The following GAB1 variants were observed in gnomAD, a reference collection of about 807,000 sequenced individuals.
GAB1 encodes GRB2 associated binding protein 1.
GAB1 carries 19 observed loss-of-function variants against 66.5 expected under a neutral mutation model. The ratio of observed to expected loss-of-function variants is 0.29; its 90% confidence interval spans 0.20 to 0.42. The LOEUF (loss-of-function observed/expected upper bound fraction) is 0.42. GAB1 is among the 10% of genes least tolerant of loss of function. The pLI is 1.00. For synonymous variants in GAB1, 294 were observed against 301.4 expected (o/e 0.98, Z 0.25); for missense variants, 732 against 858.5 (o/e 0.85, Z 1.84).
chr4:143,386,094 A>G (rs897733596), intron 1 of GAB1, among the ~76,000 whole-genome samples: 5 of 152,174 alleles, frequency 3.3e-5, no homozygotes, highest in African/African-American at 1.2e-4. Context: ...GTGAGCCATG[A>G]TCACGCCACT....
chr4:143,425,428 T>C, intron 2 of GAB1: 1 of 759,406 alleles, frequency 1.3e-6, no homozygotes, highest in South Asian at 1.3e-5. Flanking sequence ...ACCCCAGGGC[T>C]GAAGACCAGC....
At chr4:143,432,845 A>G (rs914484709) in intron 2 of GAB1, among the ~76,000 whole-genome samples, 2 of 152,200 alleles carry the variant, frequency 1.3e-5, no homozygotes, top group Admixed American at 1.3e-4. Context: ...TTACTTATTT[A>G]CTTGCTGGAC....
chr4:143,388,694 C>T (rs967900158), intron 1 of GAB1, among the ~76,000 whole-genome samples: 6 of 152,142 alleles, frequency 3.9e-5, no homozygotes, highest in African/African-American at 1.4e-4. Context: ...GGATTATAGG[C>T]ATGAGTCACT....
intron 1 of GAB1, chr4:143,349,199 T>G: frequency 1.9e-6 from 1 of 534,248 alleles, no homozygotes; most frequent in Non-Finnish European, 3.2e-6. Flanking sequence ...CCTGGAGTAG[T>G]TATATATTAT....
intron 9 of GAB1, among the ~76,000 whole-genome samples, chr4:143,467,281 C>A (rs1202683633): frequency 6.6e-6 from 1 of 152,146 alleles, no homozygotes; most frequent in Non-Finnish European, 1.5e-5. Flanking sequence ...TAGATAATGT[C>A]TTTTCTGACT....
At chr4:143,353,455 A>G (rs1729309436) in intron 1 of GAB1, among the ~76,000 whole-genome samples, 1 of 152,184 alleles carries the variant, frequency 6.6e-6, no homozygotes, top group Non-Finnish European at 1.5e-5. Flanking sequence ...AGAAAGAGCA[A>G]TAGAGACAGA....
intron 7 of GAB1, 83 bp from the exon 8 acceptor site, chr4:143,460,281 G>A (rs1195955851): frequency 1.0e-5 from 13 of 1,294,022 alleles, no homozygotes; most frequent in African/African-American, 4.4e-5. Flanking sequence ...AAAGAATGCA[G>A]ACTGTCTCTC....
intron 2 of GAB1, among the ~76,000 whole-genome samples, chr4:143,427,456 G>T (rs1374127703): frequency 6.6e-6 from 1 of 152,050 alleles, no homozygotes; most frequent in East Asian, 1.9e-4. Flanking sequence ...ACAGAACGGG[G>T]TTGCGGGTAA....
intron 1 of GAB1, among the ~76,000 whole-genome samples, chr4:143,361,862 G>T (rs1729674223): frequency 6.6e-6 from 1 of 152,082 alleles, no homozygotes; most frequent in African/African-American, 2.4e-5. Flanking sequence ...GATTGCAGGG[G>T]TGGTTGAAAA....
At chr4:143,393,272 A>G (rs1236379429) in intron 1 of GAB1, among the ~76,000 whole-genome samples, 1 of 151,620 alleles carries the variant, frequency 6.6e-6, no homozygotes. Context: ...GACAGAAACC[A>G]TGTGTGTAGC....
chr4:143,426,364 A>G (rs1445408112), intron 2 of GAB1, among the ~76,000 whole-genome samples: 2 of 152,070 alleles, frequency 1.3e-5, no homozygotes, highest in Non-Finnish European at 2.9e-5. Flanking sequence ...AGCCTGGGCA[A>G]CATGGTGAGA....
intron 1 of GAB1, among the ~76,000 whole-genome samples, chr4:143,341,377 G>A (rs956721770): frequency 6.6e-6 from 1 of 152,200 alleles, no homozygotes; most frequent in Non-Finnish European, 1.5e-5. Flanking sequence ...GCTGAAATAA[G>A]ATGCAAGTCT....
At chr4:143,364,254 C>CATTG (rs1729780053) in intron 1 of GAB1, among the ~76,000 whole-genome samples, 2 of 151,720 alleles carry the variant, frequency 1.3e-5, no homozygotes, top group Admixed American at 1.3e-4. Flanking sequence ...TATCTGCCCA[C>CATTG]ATTGATGTTA....
At chr4:143,350,678 C>CA (rs34098103) in intron 1 of GAB1, among the ~76,000 whole-genome samples, 6,719 of 88,254 alleles carry the variant, frequency 0.076, 313 homozygotes, top group African/African-American at 0.14. Flanking sequence ...AACTCCGTCT[C>CA]AAAAAAAAAA....
rs1178520477 is a variant in GAB1 at position 143,429,071 on chromosome 4, C to T, written c.368-4420C>T. Among the ~76,000 whole-genome samples the T allele has an allele frequency of 2.0e-5, 3 of 152,056 alleles. No individual in the cohort carries two copies. The East Asian group carries it at 5.8e-4, about 29-fold the overall frequency. ...ATAGACTTTAGTCTTATACTTGGCCCATTATTTGCATAAAGTGCAGCAAGA... is the reference window on the plus strand; with the variant it reads ...ATAGACTTTAGTCTTATACTTGGCCTATTATTTGCATAAAGTGCAGCAAGA... On this transcript the variant is annotated intron_variant, in intron 2 of 9. Transcript: ENST00000262994.
chr4:143,422,038 T>C (rs1399029362), intron 2 of GAB1, among the ~76,000 whole-genome samples: 1 of 152,160 alleles, frequency 6.6e-6, no homozygotes, highest in African/African-American at 2.4e-5. Context: ...TCACAGAAAA[T>C]TGCAACTACT....
intron 2 of GAB1, among the ~76,000 whole-genome samples, chr4:143,417,957 TAATC>T (rs1255029866): frequency 6.6e-6 from 1 of 152,240 alleles, no homozygotes; most frequent in Non-Finnish European, 1.5e-5. Flanking sequence ...ATTGTGTTAA[TAATC>T]AACACCAAGA....
At chr4:143,377,455 C>T (rs1045458624) in intron 1 of GAB1, among the ~76,000 whole-genome samples, 1 of 152,194 alleles carries the variant, frequency 6.6e-6, no homozygotes, top group Non-Finnish European at 1.5e-5. Flanking sequence ...AACTGAAAAT[C>T]TGCCACTCTG....
At chr4:143,366,003 A>G (rs774659218) in intron 1 of GAB1, among the ~76,000 whole-genome samples, 1 of 152,180 alleles carries the variant, frequency 6.6e-6, no homozygotes, top group Non-Finnish European at 1.5e-5. Flanking sequence ...CATCCAACAA[A>G]CATTGCTAGT....
Sources: allele counts gnomAD v4.1 joint callset (sites outside exome capture counted in the v4.1 genomes callset), GRCh38; gene constraint gnomAD v4.1.1; transcripts MANE v1.5; gene names NCBI Gene and HGNC (gene_info 2026-07-23, HGNC 2026-07-21).